The following CTNNA3 variants were observed in gnomAD, a reference collection of about 807,000 sequenced individuals.
The protein encoded by CTNNA3 is catenin alpha-3.
Under a neutral mutation model 95.7 loss-of-function variants are expected in CTNNA3, and 76 were observed. That is an observed-to-expected ratio of 0.79 (90% CI 0.66 to 0.96). The LOEUF (loss-of-function observed/expected upper bound fraction) is 0.96, where lower values mean the gene tolerates loss of function less well. Among genes scored for constraint, CTNNA3 ranks in the 40% least tolerant of loss-of-function variants. CTNNA3 has a pLI of 0.00. For synonymous variants in CTNNA3, 431 were observed against 374.4 expected (o/e 1.15, Z -1.74); for missense variants, 1,191 against 1,089.8 (o/e 1.09, Z -1.31).
intron 2 of CTNNA3, among the ~76,000 whole-genome samples, chr10:67,610,949 T>C (rs1218437199): frequency 6.6e-6 from 1 of 152,166 alleles, no homozygotes; most frequent in Non-Finnish European, 1.5e-5. Flanking sequence ...CTTACTTTCT[T>C]TAGTCTGTAA....
chr10:66,231,828 G>A (rs2089605054), intron 13 of CTNNA3, among the ~76,000 whole-genome samples: 1 of 152,106 alleles, frequency 6.6e-6, no homozygotes, highest in African/African-American at 2.4e-5. Flanking sequence ...TGAGAAAGCT[G>A]ACAGTTTCAC....
chr10:66,786,210 T>C (rs1840734147), intron 7 of CTNNA3, among the ~76,000 whole-genome samples: 1 of 152,128 alleles, frequency 6.6e-6, no homozygotes, highest in Admixed American at 6.6e-5. Context: ...TGTTCATAGC[T>C]ATATAAATAG....
At chr10:67,044,666 AT>A (rs1431341387) in intron 7 of CTNNA3, among the ~76,000 whole-genome samples, 1 of 152,204 alleles carries the variant, frequency 6.6e-6, no homozygotes, top group East Asian at 1.9e-4. Flanking sequence ...AAAAGCTAAG[AT>A]AACTTTTGTT....
At chr10:67,425,523 T>A (rs1845893702) in intron 5 of CTNNA3, among the ~76,000 whole-genome samples, 1 of 152,046 alleles carries the variant, frequency 6.6e-6, no homozygotes, top group Non-Finnish European at 1.5e-5. Context: ...ATCTGTTTTT[T>A]GAAGAGGAAA....
chr10:67,089,498 C>A (rs1404671224), intron 7 of CTNNA3, among the ~76,000 whole-genome samples: 1 of 151,780 alleles, frequency 6.6e-6, no homozygotes, highest in Non-Finnish European at 1.5e-5. Context: ...GCTCTTCGAA[C>A]AAATAAATCA....
intron 11 of CTNNA3, among the ~76,000 whole-genome samples, chr10:66,424,427 T>C (rs1475538592): frequency 1.3e-5 from 2 of 152,096 alleles, no homozygotes; most frequent in Non-Finnish European, 2.9e-5. Context: ...ATTAAAAAGT[T>C]TAATACTATA....
chr10:66,894,882 C>A lies in CTNNA3; in HGVS notation c.1048-119358G>T, dbSNP rs558257227. Reference sequence around the variant, plus strand: ...CCCTTGAAGCAAGTCTTTGTAGATACTAATACTGTAATTTATGTGTATATA... The same window carrying A: ...CCCTTGAAGCAAGTCTTTGTAGATAATAATACTGTAATTTATGTGTATATA... On this transcript the variant is annotated intron_variant, in intron 7 of 17. Transcript: ENST00000433211. 2.6e-5 allele frequency among the ~76,000 whole-genome samples: 4 copies of A among 151,548 alleles called. No homozygotes were observed. The East Asian group carries it at 5.8e-4, about 22-fold the overall frequency.
intron 13 of CTNNA3, among the ~76,000 whole-genome samples, chr10:66,248,804 T>C (rs1564809665): frequency 6.6e-6 from 1 of 152,154 alleles, no homozygotes; most frequent in African/African-American, 2.4e-5. Flanking sequence ...AGCTGGACAC[T>C]TCAACACCTC....
chr10:66,080,333 A>C (rs1337374646), intron 14 of CTNNA3, among the ~76,000 whole-genome samples: 1 of 152,062 alleles, frequency 6.6e-6, no homozygotes, highest in Non-Finnish European at 1.5e-5. Flanking sequence ...TATATACAAG[A>C]GAGTGATCTT....
At chr10:66,318,228 G>A (rs191582213) in intron 12 of CTNNA3, among the ~76,000 whole-genome samples, 1 of 151,184 alleles carries the variant, frequency 6.6e-6, no homozygotes, top group East Asian at 2.0e-4. Flanking sequence ...GGAATCAGCT[G>A]AGTAAGATCA....
At chr10:67,655,968 G>T (rs12412064) in intron 1 of CTNNA3, among the ~76,000 whole-genome samples, 5 of 151,942 alleles carry the variant, frequency 3.3e-5, no homozygotes, top group Admixed American at 1.3e-4. Context: ...TAAAGGAAAA[G>T]GAGGCAAGGG....
intron 5 of CTNNA3, among the ~76,000 whole-genome samples, chr10:67,326,843 C>T (rs1841558838): frequency 6.6e-6 from 1 of 152,196 alleles, no homozygotes. Context: ...TTTTCCCCAT[C>T]TCTTTCAGGG....
intron 11 of CTNNA3, among the ~76,000 whole-genome samples, chr10:66,504,109 T>TA (rs1840370665): frequency 1.3e-5 from 2 of 152,260 alleles, no homozygotes; most frequent in African/African-American, 4.8e-5. Flanking sequence ...AATATATTGT[T>TA]ATTAACTATA....
At chr10:67,261,219 A>G (rs1262547922) in intron 5 of CTNNA3, among the ~76,000 whole-genome samples, 1 of 152,168 alleles carries the variant, frequency 6.6e-6, no homozygotes, top group East Asian at 1.9e-4. Flanking sequence ...CAGATGAGTT[A>G]AAATAATGAG....
At chr10:67,061,733 T>C (rs1855767608) in intron 7 of CTNNA3, among the ~76,000 whole-genome samples, 1 of 152,212 alleles carries the variant, frequency 6.6e-6, no homozygotes. Context: ...TATTCTAATA[T>C]GTATCTTTGT....
At chr10:67,006,539 A>G (rs1056941119) in intron 7 of CTNNA3, among the ~76,000 whole-genome samples, 6 of 106,866 alleles carry the variant, frequency 5.6e-5, no homozygotes, top group African/African-American at 1.9e-4. Flanking sequence ...GATGTTTTCT[A>G]TTCTCTTATA....
intron 14 of CTNNA3, among the ~76,000 whole-genome samples, chr10:66,079,626 TA>T (rs2080670078): frequency 1.3e-5 from 2 of 151,852 alleles, no homozygotes; most frequent in African/African-American, 4.8e-5. Context: ...CTTGATAAAA[TA>T]ACAATTTGAG....
rs376232490 is a variant in CTNNA3 at position 67,364,484 on chromosome 10, G to A, written c.580-144614C>T. ...AAGTCCTGGCCAGGGCAATTAGGCA[G>A]GAGAAAGAAATAAAGGGTATTCAAT... On this transcript the variant is annotated intron_variant, in intron 5 of 17. Coordinates refer to ENST00000433211, the MANE Select transcript of CTNNA3 (RefSeq NM_013266.4). 3.0e-4 allele frequency among the ~76,000 whole-genome samples: 45 copies of A among 152,126 alleles called. No homozygotes were observed. In the South Asian group the frequency reaches 9.3e-3, roughly 32 times the overall value.
chr10:66,461,465 T>A (rs1589283048), intron 11 of CTNNA3, among the ~76,000 whole-genome samples: 2 of 152,166 alleles, frequency 1.3e-5, no homozygotes, highest in Admixed American at 1.3e-4. Context: ...AGTGATTAGG[T>A]AATATATTTC....
Sources: allele counts gnomAD v4.1 joint callset (sites outside exome capture counted in the v4.1 genomes callset), GRCh38; gene constraint gnomAD v4.1.1; transcripts MANE v1.5; gene names NCBI Gene and HGNC (gene_info 2026-07-23, HGNC 2026-07-21).